Variants in AARS1 observed in about 807,000 individuals in gnomAD.
AARS1 encodes alanyl-tRNA synthetase 1.
Under a neutral mutation model 108.9 loss-of-function variants are expected in AARS1, and 72 were observed. The observed-to-expected ratio is 0.66, with a 90% CI of 0.55 to 0.80. The LOEUF is 0.80. Among genes scored for constraint, AARS1 ranks in the 30% least tolerant of loss-of-function variants. The pLI is 0.00. For synonymous variants in AARS1, 489 were observed against 465.7 expected (o/e 1.05, Z -0.64); for missense variants, 1,193 against 1,233.2 (o/e 0.97, Z 0.49).
chr16:70,261,197 A>G, intron 12 of AARS1, 40 bp from the exon 13 acceptor site: 1 of 1,456,674 alleles, frequency 6.9e-7, no homozygotes, highest in South Asian at 1.1e-5. Context: ...ATAAATCCTT[A>G]AAAACATACA....
chr16:70,263,155 C>T (rs973078799), intron 11 of AARS1, among the ~76,000 whole-genome samples: 1 of 151,958 alleles, frequency 6.6e-6, no homozygotes. Context: ...CTCTGAGCTA[C>T]TGAACAGAAA....
At chr16:70,269,197 G>A (rs927827844) in intron 7 of AARS1, among the ~76,000 whole-genome samples, 3 of 152,018 alleles carry the variant, frequency 2.0e-5, no homozygotes, top group African/African-American at 4.8e-5. Context: ...GCTCATGCCT[G>A]TAATCCCATC....
At chr16:70,282,505 G>T in intron 2 of AARS1, 115 bp downstream of exon 2, 1 of 1,308,894 alleles carries the variant, frequency 7.6e-7, no homozygotes, top group Non-Finnish European at 1.1e-6. Flanking sequence ...AGTTTCACAA[G>T]ATCACACAGG....
chr16:70,269,616 AC>A lies in AARS1; in HGVS notation c.962+1del, dbSNP rs1960348987. 1.9e-6 allele frequency: 3 copies of A among 1,613,862 alleles called. No individual in the cohort carries two copies. Among genetic ancestry groups the A allele is most frequent in the Non-Finnish European group, 2.5e-6 (3 of 1,180,010 alleles). Reference sequence around the variant, plus strand: ...ACACCACCCAGTGTGCAGCATACTTACCCACGCCCTGTGTTGTCAGGCCGGC... The same window carrying A: ...ACACCACCCAGTGTGCAGCATACTTACCACGCCCTGTGTTGTCAGGCCGGC... On this transcript the variant is annotated splice_donor_variant, in intron 7 of 20. Transcript: ENST00000261772. LOFTEE classifies it high-confidence loss of function.
At position 70,259,078 on chromosome 16, in the gene AARS1, C is replaced by G. The variant is rs765977339; in HGVS notation, c.1894G>C (p.Asp632His). 3 of 1,614,020 alleles carry G rather than the reference C, an allele frequency of 1.9e-6. No individual in the cohort carries two copies. Among genetic ancestry groups the G allele is most frequent in the Non-Finnish European group, 2.5e-6 (3 of 1,180,026 alleles). ...ADQKGSLVAP[D>H]RLRFDFTAKG... ...GCAGTAAAGTCAAATCTGAGGCGGT[C>G]AGGAGCAACCAATGAGCCTTTCTGG... Residue 632 changes from aspartate (D) to histidine (H), a missense_variant, in exon 14 of 21, where the codon GAC (aspartate) becomes CAC (histidine). By Grantham distance (81) the Asp-to-His change is moderately conservative. Coordinates refer to ENST00000261772, the MANE Select transcript of AARS1 (RefSeq NM_001605.3).
chr16:70,288,565 CTT>C lies in AARS1; in HGVS notation c.-22+854_-22+855del, dbSNP rs35168298. ...CCAGCAGCAACGACTGTTCTGGGCT[CTT>C]TTTTTTTTTTTTTTTTTGAAACGGA... is the stretch of plus-strand genomic sequence containing the variant. On this transcript the variant is annotated intron_variant, in intron 1 of 20. Coordinates refer to ENST00000261772, the MANE Select transcript of AARS1 (RefSeq NM_001605.3). Among the ~76,000 whole-genome samples, 200 of 102,950 alleles carry C rather than the reference CTT, an allele frequency of 1.9e-3. 1 individual carries two copies. The Middle Eastern group carries it at 0.033, about 17-fold the overall frequency. The allele number at this position is 102,950 out of a possible 152,430, so 67.5% of individuals were successfully genotyped here. A position where few individuals can be genotyped will look rare whatever the true frequency, so the allele number is the denominator to read the frequency against.
At chr16:70,284,398 C>A (rs1203436652) in intron 1 of AARS1, among the ~76,000 whole-genome samples, 1 of 151,096 alleles carries the variant, frequency 6.6e-6, no homozygotes, top group Non-Finnish European at 1.5e-5. Context: ...GTCAGGAGAT[C>A]AAGACTATCT....
At chr16:70,253,691 G>GGGGACCC (rs1567600900) in intron 19 of AARS1, 23 bp downstream of exon 19, 8 of 1,611,618 alleles carry the variant, frequency 5.0e-6, no homozygotes, top group African/African-American at 1.3e-5. Context: ...CCCTAGGGGA[G>GGGGACCC]GGGACCCTGG....
At chr16:70,284,099 A>T (rs958365739) in intron 1 of AARS1, among the ~76,000 whole-genome samples, 3 of 152,176 alleles carry the variant, frequency 2.0e-5, no homozygotes, top group Non-Finnish European at 4.4e-5. Flanking sequence ...CAGGAGATCC[A>T]GAACATCCTG....
At position 70,254,257 on chromosome 16, in the gene AARS1, C is replaced by G. The variant is rs1236616791; in HGVS notation, c.2401-219G>C. 7.8e-6 allele frequency: 5 copies of G among 642,372 alleles called. No homozygotes were observed. In the South Asian group the frequency reaches 9.3e-5, roughly 12 times the overall value. The allele number at this position is 642,372 out of a possible 1,614,324, so 39.8% of individuals were successfully genotyped here. Reference sequence around the variant, plus strand: ...GAAAGCTGGGCTCCCAAATCAGGCCCGGTCCTTACCAGGCTGGGAACAGCC... The same window carrying G: ...GAAAGCTGGGCTCCCAAATCAGGCCGGGTCCTTACCAGGCTGGGAACAGCC... On this transcript the variant is annotated intron_variant, in intron 17 of 20. Transcript: ENST00000261772.
At chr16:70,276,660 G>A in intron 3 of AARS1, 29 bp from the exon 4 acceptor site, 1 of 1,612,740 alleles carries the variant, frequency 6.2e-7, no homozygotes, top group Non-Finnish European at 8.5e-7. Context: ...GAAAGATATG[G>A]AACATTGCCA....
chr16:70,273,914 C>T (rs1194842927), intron 4 of AARS1, among the ~76,000 whole-genome samples: 2 of 147,966 alleles, frequency 1.4e-5, no homozygotes, highest in African/African-American at 5.0e-5. Context: ...GCGAATGCTT[C>T]TAGTCCTAGT....
intron 14 of AARS1, among the ~76,000 whole-genome samples, chr16:70,258,588 C>T (rs552963638): frequency 2.0e-5 from 3 of 151,600 alleles, no homozygotes; most frequent in Admixed American, 6.6e-5. Context: ...TTTTTTGAGA[C>T]GGAGTCTCGC....
intron 1 of AARS1, among the ~76,000 whole-genome samples, chr16:70,286,959 T>G (rs1960860037): frequency 7.2e-6 from 1 of 139,378 alleles, no homozygotes; most frequent in South Asian, 2.3e-4. Context: ...CTACTAAAAA[T>G]ACAAAAATTA....
rs375263515 is a variant in AARS1, at chr16:70,252,783, G to C, written c.2845C>G (p.Gln949Glu). Residue 949 changes from glutamine to glutamate, a missense_variant, in exon 21 of 21, where the codon CAG becomes GAG. Gln to Glu is a conservative substitution (Grantham distance 29). Coordinates refer to ENST00000261772, the MANE Select transcript of AARS1 (RefSeq NM_001605.3). The part of the protein sequence containing the change: ...QATGKNVGCL[Q>E]EALQLATSFA... The stretch of plus-strand genomic sequence containing the variant: ...GAAGTGGCCAGCTGCAGCGCCTCCT[G>C]CAGGCAGCCAACGTTCTTGCCTGTG... The C allele has an allele frequency of 1.2e-6, 2 of 1,614,086 alleles. No individual in the cohort carries two copies. The highest frequency in any genetic ancestry group is 1.7e-6 in the Non-Finnish European group (2 of 1,180,050).
At chr16:70,265,397 T>C in intron 10 of AARS1, 141 bp downstream of exon 10, 1 of 1,324,242 alleles carries the variant, frequency 7.6e-7, no homozygotes, top group Non-Finnish European at 1.1e-6. Flanking sequence ...GAAGGCAGAC[T>C]CGCCCCCACT....
Position 70,268,253 on chromosome 16 carries a change from G to A in AARS1, c.1071+18C>T. The A allele has an allele frequency of 6.2e-7, 1 of 1,607,366 alleles. No individual in the cohort carries two copies. The highest frequency in any genetic ancestry group is 8.5e-7 in the Non-Finnish European group (1 of 1,173,840). On this transcript the variant is annotated intron_variant, in intron 8 of 20. Transcript: ENST00000261772. ...GGACTGCTTTAGCACAGAAGGGTAAGCAGAGAAATAAACCTACCAGGGACT... is the reference window on the plus strand; with the variant it reads ...GGACTGCTTTAGCACAGAAGGGTAAACAGAGAAATAAACCTACCAGGGACT...
At chr16:70,253,208 C>A in intron 20 of AARS1, 60 bp downstream of exon 20, 1 of 1,385,492 alleles carries the variant, frequency 7.2e-7, no homozygotes, top group Non-Finnish European at 1.0e-6. Context: ...TGTACACACA[C>A]AGGCCTCAGC....
intron 1 of AARS1, among the ~76,000 whole-genome samples, chr16:70,283,359 T>C (rs530534754): frequency 8.7e-5 from 13 of 148,676 alleles, no homozygotes; most frequent in African/African-American, 2.7e-4. Context: ...ACCACACCAC[T>C]GCACTCCAGC....
Sources: gnomAD v4.1 joint callset for allele counts (sites outside exome capture counted in the v4.1 genomes callset) on GRCh38, gnomAD v4.1.1 for gene constraint, MANE v1.5 for transcripts, NCBI Gene and HGNC (gene_info 2026-07-23, HGNC 2026-07-21) for gene names.